GYPC: variants seen among roughly 807,000 people sequenced by gnomAD.
GYPC encodes the protein glycophorin C (Gerbich blood group).
In GYPC, 14 loss-of-function variants were observed where a neutral mutation model predicts 12.6. The observed-to-expected ratio is 1.11, with a 90% confidence interval of 0.74 to 1.74. GYPC has a LOEUF of 1.74. GYPC is among the 40% of genes most tolerant of loss of function. GYPC has a pLI of 0.00. For synonymous variants in GYPC, 78 were observed against 62.1 expected (o/e 1.26, Z -1.20); for missense variants, 225 against 172.1 (o/e 1.31, Z -1.72).
chr2:126,677,652 G>A (rs904648420), intron 1 of GYPC, among the ~76,000 whole-genome samples: 18 of 151,986 alleles, frequency 1.2e-4, no homozygotes, highest in East Asian at 7.7e-4. Context: ...GCAACACCCC[G>A]AGAGCCACAC....
At chr2:126,688,701 T>A (rs747179717) in intron 1 of GYPC, among the ~76,000 whole-genome samples, 1 of 152,112 alleles carries the variant, frequency 6.6e-6, no homozygotes, top group African/African-American at 2.4e-5. Context: ...CAGACACCAC[T>A]AGCTTGGCCC....
intron 1 of GYPC, among the ~76,000 whole-genome samples, chr2:126,671,889 T>C (rs1211830238): frequency 1.3e-5 from 2 of 152,096 alleles, no homozygotes; most frequent in East Asian, 1.9e-4. Context: ...TGCCATCTTA[T>C]AGGGTGGCCA....
At chr2:126,687,376 T>A (rs1460431899) in intron 1 of GYPC, among the ~76,000 whole-genome samples, 3 of 152,170 alleles carry the variant, frequency 2.0e-5, no homozygotes, top group African/African-American at 7.2e-5. Context: ...CTTCAGTAGG[T>A]CTGGGCTGGG....
chr2:126,679,250 G>A (rs555323215), intron 1 of GYPC, among the ~76,000 whole-genome samples: 9 of 152,088 alleles, frequency 5.9e-5, no homozygotes, highest in Admixed American at 4.6e-4. Context: ...GAGCACACAC[G>A]GGCCCACACA....
rs1458973367 is a variant in GYPC, at chr2:126,696,213, C to T, written c.*71C>T. 3.6e-6 allele frequency: 4 copies of T among 1,106,642 alleles called. No individual in the cohort carries two copies. The highest frequency in any genetic ancestry group is 1.9e-5 in the Admixed American group (1 of 52,100). 68.6% of individuals were successfully genotyped at this position (1,106,642 alleles called of 1,614,324 possible). ...AGGAAAAATACACCCCATCGCCCAG[C>T]ACCCCTGCTGATACCACCAGACAGA... is the stretch of plus-strand genomic sequence containing the variant. On this transcript the variant is annotated 3_prime_UTR_variant, in exon 4 of 4. Transcript: ENST00000259254.
At position 126,657,346 on chromosome 2, in the gene GYPC, C is replaced by A. The variant is rs377675055; in HGVS notation, c.49+1034C>A. On this transcript the variant is annotated intron_variant, in intron 1 of 3. Transcript: ENST00000259254. ...GTGCTTGGGAGCGAGGCCCCTCAGT[C>A]TGCACTGGGATCATCTGCACTGCCT... is the stretch of plus-strand genomic sequence containing the variant. Among the ~76,000 whole-genome samples, 4 of 152,354 alleles carry A rather than the reference C, an allele frequency of 2.6e-5. No individual in the cohort carries two copies. The East Asian group carries it at 5.8e-4, about 22-fold the overall frequency.
At chr2:126,657,613 G>C (rs1302755860) in intron 1 of GYPC, 1 of 152,202 alleles carries the variant, frequency 6.6e-6, no homozygotes, top group African/African-American at 2.4e-5. Context: ...GCAGGTCCTG[G>C]GTTAAAGGGA....
intron 1 of GYPC, among the ~76,000 whole-genome samples, chr2:126,663,322 C>T (rs1223625005): frequency 1.3e-5 from 2 of 152,220 alleles, no homozygotes; most frequent in African/African-American, 2.4e-5. Context: ...AGGCATGAGC[C>T]ACCACGCCCA....
rs28387200 is a variant in GYPC at position 126,689,817 on chromosome 2, C to G, written c.50-438C>G. Among the ~76,000 whole-genome samples the G allele has an allele frequency of 3.7e-3, 557 of 152,320 alleles. 2 individuals are homozygous for G. Among genetic ancestry groups the G allele is most frequent in the African/African-American group, 0.013 (533 of 41,566 alleles). On this transcript the variant is annotated intron_variant, in intron 1 of 3. Transcript: ENST00000259254. ...GAGCCAAACAAACCTCTCTTCTTTACAAATTACCCAAGTATTCAGCTATAG... is the reference window on the plus strand; with the variant it reads ...GAGCCAAACAAACCTCTCTTCTTTAGAAATTACCCAAGTATTCAGCTATAG...
At chr2:126,673,720 T>C (rs1272479491) in intron 1 of GYPC, among the ~76,000 whole-genome samples, 3 of 152,214 alleles carry the variant, frequency 2.0e-5, no homozygotes, top group Admixed American at 6.5e-5. Context: ...GGTACCATAA[T>C]TTTAAGTGGA....
intron 1 of GYPC, among the ~76,000 whole-genome samples, chr2:126,677,702 G>A (rs182948808): frequency 1.7e-3 from 261 of 152,204 alleles, no homozygotes; most frequent in Middle Eastern, 3.4e-3. Context: ...GTAATCCTTC[G>A]CTAGGGATGA....
intron 1 of GYPC, 69 bp downstream of exon 1, chr2:126,656,381 C>G (rs1010533706): frequency 7.3e-7 from 1 of 1,363,064 alleles, no homozygotes; most frequent in Non-Finnish European, 1.0e-6. Flanking sequence ...AGCCAGGGGC[C>G]GAGCCACGGC....
intron 1 of GYPC, chr2:126,678,893 G>T (rs13034269): frequency 0.074 from 11,227 of 152,228 alleles, 436 homozygotes; most frequent in Middle Eastern, 0.11. Context: ...CTCCCCACAC[G>T]GGCTCTGCTG....
intron 1 of GYPC, among the ~76,000 whole-genome samples, chr2:126,677,320 TG>T (rs1161603498): frequency 6.7e-6 from 1 of 148,928 alleles, no homozygotes; most frequent in Non-Finnish European, 1.5e-5. Context: ...TGTGTGAGAA[TG>T]TGTGTGATAG....
chr2:126,682,351 G>A (rs1441963303), intron 1 of GYPC, among the ~76,000 whole-genome samples: 1 of 152,170 alleles, frequency 6.6e-6, no homozygotes, highest in Non-Finnish European at 1.5e-5. Context: ...CAGGAGCTAT[G>A]GAGCAGAAGG....
chr2:126,676,334 T>C (rs184914669), intron 1 of GYPC, among the ~76,000 whole-genome samples: 2 of 152,346 alleles, frequency 1.3e-5, no homozygotes, highest in East Asian at 3.9e-4. Context: ...GAACAAAGCC[T>C]CCTGTTTACA....
At chr2:126,670,948 C>T (rs1682836439) in intron 1 of GYPC, among the ~76,000 whole-genome samples, 1 of 152,204 alleles carries the variant, frequency 6.6e-6, no homozygotes, top group African/African-American at 2.4e-5. Flanking sequence ...AAACTATTTA[C>T]TGTCCAGCCC....
chr2:126,691,613 A>T (rs1683468542), intron 2 of GYPC, among the ~76,000 whole-genome samples: 1 of 152,106 alleles, frequency 6.6e-6, no homozygotes, highest in Non-Finnish European at 1.5e-5. Context: ...CCCCCTGTAT[A>T]GTGTACATAC....
intron 1 of GYPC, among the ~76,000 whole-genome samples, chr2:126,656,963 C>G (rs1415318888): frequency 6.6e-6 from 1 of 152,198 alleles, no homozygotes; most frequent in African/African-American, 2.4e-5. Flanking sequence ...CTGCCCTCTT[C>G]CTCTGCCGTT....
Sources: gnomAD v4.1 joint callset for allele counts (sites outside exome capture counted in the v4.1 genomes callset) on GRCh38, gnomAD v4.1.1 for gene constraint, MANE v1.5 for transcripts, NCBI Gene and HGNC (gene_info 2026-07-23, HGNC 2026-07-21) for gene names.